The following PCDHGA4 variants were observed in gnomAD, a reference collection of about 807,000 sequenced individuals.
PCDHGA4 encodes protocadherin gamma-A4.
In PCDHGA4, 38 loss-of-function variants were observed where a neutral mutation model predicts 54.6. That is an observed-to-expected ratio of 0.70 (90% CI 0.54 to 0.91). The LOEUF (loss-of-function observed/expected upper bound fraction) is 0.91. PCDHGA4 is among the 40% of genes least tolerant of loss of function. The probability of loss-of-function intolerance (pLI) is 0.00; values close to 1 mark genes in which losing one functional copy is unlikely to be tolerated. For synonymous variants in PCDHGA4, 511 were observed against 512.9 expected (o/e 1.00, Z 0.05); for missense variants, 1,298 against 1,220.9 (o/e 1.06, Z -0.94).
At chr5:141,360,637 C>A (rs1326882872) in intron 1 of PCDHGA4, 1 of 1,614,018 alleles carries the variant, frequency 6.2e-7, no homozygotes, top group Non-Finnish European at 8.5e-7. Context: ...TAACTCACTA[C>A]AAAGATACCA....
intron 1 of PCDHGA4, chr5:141,389,814 G>A (rs753211260): frequency 1.2e-6 from 2 of 1,613,866 alleles, no homozygotes; most frequent in East Asian, 2.2e-5. Context: ...TCTGGTCGCC[G>A]TGCGTGACGG....
intron 1 of PCDHGA4, chr5:141,393,902 G>C: frequency 6.2e-7 from 1 of 1,613,968 alleles, no homozygotes; most frequent in Non-Finnish European, 8.5e-7. Flanking sequence ...CTCTTCCCGG[G>C]ACAGTAATTG....
intron 1 of PCDHGA4, among the ~76,000 whole-genome samples, chr5:141,470,717 A>G (rs1353989037): frequency 6.6e-6 from 1 of 152,010 alleles, no homozygotes; most frequent in Non-Finnish European, 1.5e-5. Flanking sequence ...TATTTTTTTG[A>G]GTCAGGGTCT....
intron 1 of PCDHGA4, chr5:141,421,164 A>G (rs1304650780): frequency 1.6e-6 from 2 of 1,286,298 alleles, no homozygotes; most frequent in African/African-American, 1.5e-5. Flanking sequence ...GACTTCATAG[A>G]TACATAAGCC....
chr5:141,371,323 AAG>A, intron 1 of PCDHGA4: 1 of 1,614,012 alleles, frequency 6.2e-7, no homozygotes, highest in Non-Finnish European at 8.5e-7. Context: ...CTGGACTTTG[AAG>A]AGAGAGATAG....
rs1769382213 is a variant in PCDHGA4 at position 141,373,189 on chromosome 5, T to C, written c.2514+15568T>C. On this transcript the variant is annotated intron_variant, in intron 1 of 3. Coordinates refer to ENST00000571252, the MANE Select transcript of PCDHGA4 (RefSeq NM_018917.4). The stretch of plus-strand genomic sequence containing the variant: ...GTCAATCCTAAAATATATGAAACAT[T>C]ATGTATATCTTAACACATTTTTAAT... 2.0e-5 allele frequency among the ~76,000 whole-genome samples: 3 copies of C among 152,380 alleles called. No individual in the cohort carries two copies. In the Middle Eastern group the frequency reaches 0.01, roughly 518 times the overall value.
At chr5:141,372,324 G>C in intron 1 of PCDHGA4, 2 of 1,613,704 alleles carry the variant, frequency 1.2e-6, no homozygotes, top group South Asian at 2.2e-5. Context: ...GCGCCTGCTG[G>C]TCACTGTGCG....
intron 1 of PCDHGA4, chr5:141,393,203 C>T (rs988866288): frequency 6.2e-7 from 1 of 1,613,514 alleles, no homozygotes; most frequent in Admixed American, 1.7e-5. Context: ...ACGATAATAA[C>T]CCAAAATTCC....
chr5:141,464,970 G>A (rs550643230), intron 1 of PCDHGA4, among the ~76,000 whole-genome samples: 1 of 152,028 alleles, frequency 6.6e-6, no homozygotes, highest in East Asian at 1.9e-4. Flanking sequence ...TTGAACTACT[G>A]GCTTCAAGTG....
chr5:141,364,879 A>C (rs1457697682), intron 1 of PCDHGA4: 3 of 1,613,862 alleles, frequency 1.9e-6, no homozygotes, highest in Non-Finnish European at 1.7e-6. Flanking sequence ...TGGATGTGGT[A>C]AGCGGAACTG....
intron 2 of PCDHGA4, among the ~76,000 whole-genome samples, chr5:141,503,568 C>T (rs1357099545): frequency 6.9e-6 from 1 of 144,390 alleles, no homozygotes; most frequent in Non-Finnish European, 1.5e-5. Context: ...CACTGTACTC[C>T]AGCCTGGGTG....
intron 1 of PCDHGA4, chr5:141,383,711 A>G (rs201269369): frequency 5.5e-4 from 889 of 1,614,004 alleles, no homozygotes; most frequent in Non-Finnish European, 6.8e-4. Flanking sequence ...GACCTGGACG[A>G]GGGAGTCAAT....
At position 141,491,658 on chromosome 5, in the gene PCDHGA4, C is replaced by A; in HGVS notation, c.2515-3149C>A. 1 of 1,613,822 alleles carries A rather than the reference C, an allele frequency of 6.2e-7. No homozygotes were observed. The highest frequency in any genetic ancestry group is 8.5e-7 in the Non-Finnish European group (1 of 1,180,016). On this transcript the variant is annotated intron_variant, in intron 1 of 3. Coordinates refer to ENST00000571252, the MANE Select transcript of PCDHGA4 (RefSeq NM_018917.4). The surrounding 1 kb of genome is among the most constrained non-coding windows in gnomAD (Gnocchi z 6.9). ...CCACAGCTCTGGCGCTGGAGCCTGA[C>A]GCCATCCGGTCCCGCTCTAATACGC... is the stretch of plus-strand genomic sequence containing the variant.
Position 141,478,910 on chromosome 5 carries a change from A to G in PCDHGA4, c.2515-15897A>G, listed in dbSNP as rs568573298. On this transcript the variant is annotated intron_variant, in intron 1 of 3. Transcript: ENST00000571252. ...ATTTACATTAGGAATAAGCTGCTGG[A>G]TACCTCTAACCAGTGGCAGCTTCTA... 5.3e-4 allele frequency: 474 copies of G among 893,806 alleles called. 7 individuals are homozygous for G. The South Asian group carries it at 6.8e-3, about 13-fold the overall frequency. 55.4% of individuals were successfully genotyped at this position (893,806 alleles called of 1,614,324 possible).
rs576937130 is a variant in PCDHGA4 at position 141,427,508 on chromosome 5, G to A, written c.2515-67299G>A. ...ATAAGCTTGTAACAGATGGGACCCT[G>A]GATTGGGAGCGGATCCCGGAGTACA... On this transcript the variant is annotated intron_variant, in intron 1 of 3. Transcript: ENST00000571252. 9.9e-4 allele frequency: 584 copies of A among 587,058 alleles called. 6 individuals carry two copies. The highest frequency in any genetic ancestry group is 3.0e-4 in the Non-Finnish European group (94 of 311,294). The allele number at this position is 587,058 out of a possible 1,614,324, so 36.4% of individuals were successfully genotyped here.
chr5:141,370,601 T>G, intron 1 of PCDHGA4: 2 of 1,614,004 alleles, frequency 1.2e-6, no homozygotes, highest in Non-Finnish European at 1.7e-6. Context: ...TGCGGGTTAT[T>G]GCAGAGAAGA....
At chr5:141,463,103 A>G (rs1235750988) in intron 1 of PCDHGA4, among the ~76,000 whole-genome samples, 1 of 152,206 alleles carries the variant, frequency 6.6e-6, no homozygotes, top group African/African-American at 2.4e-5. Context: ...GTGACCATCA[A>G]GAATTCAGCT....
At chr5:141,461,861 T>C (rs1445632008) in intron 1 of PCDHGA4, among the ~76,000 whole-genome samples, 8 of 152,182 alleles carry the variant, frequency 5.3e-5, no homozygotes, top group Middle Eastern at 3.4e-3. Flanking sequence ...TTTGCTCTTG[T>C]TGCCCAGGCT....
chr5:141,404,746 A>T (rs1219726027), intron 1 of PCDHGA4: 2 of 1,613,308 alleles, frequency 1.2e-6, no homozygotes, highest in Admixed American at 3.3e-5. Flanking sequence ...ACAGAGACTC[A>T]GGCCAGAATG....
Sources: allele counts gnomAD v4.1 joint callset (sites outside exome capture counted in the v4.1 genomes callset), GRCh38; gene constraint gnomAD v4.1.1; non-coding constraint Gnocchi (gnomAD v3.1); transcripts MANE v1.5; gene names NCBI Gene and HGNC (gene_info 2026-07-23, HGNC 2026-07-21).